The following PPARG variants were observed in gnomAD, a reference collection of about 807,000 sequenced individuals.
PPARG encodes peroxisome proliferator activated receptor gamma, also known as peroxisome proliferator-activated receptor gamma.
In PPARG, 17 loss-of-function variants were observed where a neutral mutation model predicts 39.2. The ratio of observed to expected loss-of-function variants is 0.43; its 90% CI spans 0.30 to 0.65. The LOEUF (loss-of-function observed/expected upper bound fraction) is 0.65, where lower values mean the gene tolerates loss of function less well. PPARG is among the 30% of genes least tolerant of loss of function. The pLI, the probability that PPARG is intolerant of heterozygous loss-of-function variation, is 0.13. For synonymous variants in PPARG, 223 were observed against 215.7 expected, an observed-to-expected ratio of 1.03 and a Z score of -0.30; for missense variants, 406 against 585.9, an observed-to-expected ratio of 0.69 and a Z score of 3.17.
intron 7 of PPARG, among the ~76,000 whole-genome samples, chr3:12,422,792 G>C (rs910432887): frequency 2.6e-5 from 4 of 151,720 alleles, no homozygotes; most frequent in African/African-American, 7.3e-5. Flanking sequence ...TGAGGCAGGA[G>C]GATTGCTTAA....
chr3:12,375,687 AG>A (rs1487770071), intron 2 of PPARG, among the ~76,000 whole-genome samples: 4 of 152,232 alleles, frequency 2.6e-5, no homozygotes, highest in Non-Finnish European at 5.9e-5. Flanking sequence ...TTTGAAACAA[AG>A]GACACAGTTG....
chr3:12,361,256 G>A (rs1474857893), intron 2 of PPARG, among the ~76,000 whole-genome samples: 1 of 151,932 alleles, frequency 6.6e-6, no homozygotes, highest in African/African-American at 2.4e-5. Context: ...GAGTACTTTA[G>A]GTAAACGTTC....
chr3:12,431,057 A>G (rs1296563379), intron 7 of PPARG, among the ~76,000 whole-genome samples: 2 of 152,198 alleles, frequency 1.3e-5, no homozygotes, highest in Admixed American at 6.5e-5. Flanking sequence ...TTAAAAGAAA[A>G]TAAATAGCCT....
intron 2 of PPARG, among the ~76,000 whole-genome samples, chr3:12,337,018 A>C (rs2048030780): frequency 6.6e-6 from 1 of 152,228 alleles, no homozygotes; most frequent in Non-Finnish European, 1.5e-5. Context: ...ACTAGAAGGC[A>C]TACTCTTTTC....
chr3:12,399,327 T>G (rs2050381975), intron 5 of PPARG: 1 of 456,316 alleles, frequency 2.2e-6, no homozygotes, highest in Non-Finnish European at 4.4e-6. Flanking sequence ...AGTGCTAAAG[T>G]TGCTCCTTGT....
At chr3:12,293,294 C>A (rs1456023595) in intron 1 of PPARG, among the ~76,000 whole-genome samples, 1 of 151,982 alleles carries the variant, frequency 6.6e-6, no homozygotes, top group African/African-American at 2.4e-5. Context: ...ATTTTTATTC[C>A]ACTTCATTGA....
chr3:12,335,899 C>T (rs978705707), intron 2 of PPARG, among the ~76,000 whole-genome samples: 26 of 151,800 alleles, frequency 1.7e-4, no homozygotes, highest in African/African-American at 4.6e-4. Flanking sequence ...CCAAAGACGT[C>T]GTGACACCAC....
rs2048795136 is a variant in PPARG at position 12,360,149 on chromosome 3, A to G, written c.-8-19555A>G. On this transcript the variant is annotated intron_variant, in intron 2 of 7. Transcript: ENST00000651735. ...GTTTTTAAAAAAGAATAATTTTAAT[A>G]CAGTTTTTCTCTTCTTTCTTTTTGC... Among the ~76,000 whole-genome samples, 3 of 152,162 alleles carry G rather than the reference A, an allele frequency of 2.0e-5. No homozygotes were observed. In the South Asian group the frequency reaches 6.2e-4, roughly 31 times the overall value.
At chr3:12,360,674 A>G (rs956355617) in intron 2 of PPARG, among the ~76,000 whole-genome samples, 9 of 150,394 alleles carry the variant, frequency 6.0e-5, no homozygotes, top group Non-Finnish European at 1.5e-5. Context: ...TGAATTTTAT[A>G]TAAATAAAAT....
At chr3:12,372,696 T>C (rs2049264334) in intron 2 of PPARG, among the ~76,000 whole-genome samples, 1 of 152,244 alleles carries the variant, frequency 6.6e-6, no homozygotes, top group Non-Finnish European at 1.5e-5. Flanking sequence ...CAATTTAGCA[T>C]CTTTTCCAAC....
At chr3:12,363,496 G>C (rs2048919523) in intron 2 of PPARG, among the ~76,000 whole-genome samples, 1 of 71,548 alleles carries the variant, frequency 1.4e-5, no homozygotes, top group Non-Finnish European at 2.7e-5. Flanking sequence ...AGTGTCACAT[G>C]GTTTGCCAGA....
chr3:12,381,514 A>G (rs749811533), intron 4 of PPARG, 23 bp downstream of exon 4: 23 of 1,609,658 alleles, frequency 1.4e-5, no homozygotes, highest in East Asian at 2.2e-5. Flanking sequence ...AAAGTCTTCA[A>G]AGAAATTGTT....
At chr3:12,297,576 T>G (rs763315424) in intron 1 of PPARG, among the ~76,000 whole-genome samples, 25 of 152,302 alleles carry the variant, frequency 1.6e-4, no homozygotes, top group Non-Finnish European at 2.9e-4. Flanking sequence ...TACTAAATTT[T>G]ATTTCACATA....
intron 2 of PPARG, among the ~76,000 whole-genome samples, chr3:12,331,462 C>T (rs2047857367): frequency 6.6e-6 from 1 of 152,130 alleles, no homozygotes; most frequent in Non-Finnish European, 1.5e-5. Context: ...AGTGAGGCTT[C>T]AGAGAGAAGC....
chr3:12,334,311 A>G (rs1352100584), intron 2 of PPARG, among the ~76,000 whole-genome samples: 1 of 151,384 alleles, frequency 6.6e-6, no homozygotes, highest in African/African-American at 2.4e-5. Flanking sequence ...GCTCACTGCA[A>G]CCTCTGCCTC....
intron 1 of PPARG, among the ~76,000 whole-genome samples, chr3:12,300,440 T>C (rs1204795525): frequency 2.6e-5 from 4 of 152,260 alleles, no homozygotes; most frequent in African/African-American, 9.6e-5. Context: ...CTTAGCCTGC[T>C]GTATGATCTT....
chr3:12,294,818 G>A (rs1006021145), intron 1 of PPARG, among the ~76,000 whole-genome samples: 31 of 152,086 alleles, frequency 2.0e-4, no homozygotes, highest in African/African-American at 3.4e-4. Context: ...GGTTGAACCC[G>A]GGAGGCAGAG....
At chr3:12,307,771 A>G (rs529845651) in intron 1 of PPARG, among the ~76,000 whole-genome samples, 128 of 152,316 alleles carry the variant, frequency 8.4e-4, no homozygotes, top group African/African-American at 2.9e-3. Context: ...TATAAGCTGA[A>G]TTTTCTTTAA....
At chr3:12,311,063 A>G (rs2047228428) in intron 1 of PPARG, among the ~76,000 whole-genome samples, 1 of 152,184 alleles carries the variant, frequency 6.6e-6, no homozygotes, top group African/African-American at 2.4e-5. Context: ...CATTCTGAAA[A>G]GAAAATTATT....
Sources: gnomAD v4.1 joint callset for allele counts (sites outside exome capture counted in the v4.1 genomes callset) on GRCh38, gnomAD v4.1.1 for gene constraint, MANE v1.5 for transcripts, NCBI Gene and HGNC (gene_info 2026-07-23, HGNC 2026-07-21) for gene names.